SYAP1: variants seen among roughly 807,000 people sequenced by gnomAD.
SYAP1 encodes synapse associated protein 1.
In SYAP1, 3 loss-of-function variants were observed where a neutral mutation model predicts 29.6. The observed-to-expected ratio is 0.10, with a 90% CI of 0.05 to 0.26. The LOEUF (loss-of-function observed/expected upper bound fraction) is 0.26, where lower values mean the gene tolerates loss of function less well. SYAP1 is among the 10% of genes least tolerant of loss of function. The pLI, the probability that SYAP1 is intolerant of heterozygous loss-of-function variation, is 1.00. For synonymous variants in SYAP1, 102 were observed against 102.7 expected (o/e 0.99, Z 0.04); for missense variants, 217 against 264.1 (o/e 0.82, Z 1.24).
At chrX:16,755,236 T>C in intron 6 of SYAP1, 143 bp downstream of exon 6, 1 of 589,184 alleles carries the variant, frequency 1.7e-6, no homozygotes, top group Non-Finnish European at 2.6e-6. Context: ...CATTTTTCTC[T>C]TACTGCCTTC....
At chrX:16,748,512 C>T (rs995861037) in intron 5 of SYAP1, among the ~76,000 whole-genome samples, 1 of 111,991 alleles carries the variant, frequency 8.9e-6, no homozygotes, top group African/African-American at 3.2e-5. Flanking sequence ...TAACCCTTCC[C>T]TGTGGTAGTC....
chrX:16,721,571 A>C (rs1001610823), intron 1 of SYAP1, among the ~76,000 whole-genome samples: 2 of 111,896 alleles, frequency 1.8e-5, no homozygotes, highest in Non-Finnish European at 3.8e-5. Flanking sequence ...TCTGTCGCCC[A>C]GGCTGGAGTG....
At chrX:16,735,492 C>T in intron 2 of SYAP1, 147 bp downstream of exon 2, 2 of 403,960 alleles carry the variant, frequency 5.0e-6, no homozygotes, top group Non-Finnish European at 8.5e-6. Flanking sequence ...TGGTTTTTTC[C>T]TCTCTTTGAA....
At chrX:16,734,385 CAAA>C (rs761468112) in intron 1 of SYAP1, among the ~76,000 whole-genome samples, 4 of 49,172 alleles carry the variant, frequency 8.1e-5, no homozygotes, top group Admixed American at 2.7e-4. Context: ...GACTTCATCT[CAAA>C]AAAAAAAAAA....
intron 3 of SYAP1, among the ~76,000 whole-genome samples, chrX:16,739,003 C>T (rs1006698934): frequency 3.6e-5 from 4 of 111,105 alleles, no homozygotes; most frequent in Admixed American, 9.7e-5. Flanking sequence ...AGAATAATTT[C>T]AGGAACTCGG....
At chrX:16,744,599 G>A (rs1458191184) in intron 5 of SYAP1, among the ~76,000 whole-genome samples, 1 of 112,416 alleles carries the variant, frequency 8.9e-6, no homozygotes, top group African/African-American at 3.2e-5. Context: ...TTGGGAGGCT[G>A]AGGTGGGAGG....
intron 1 of SYAP1, among the ~76,000 whole-genome samples, chrX:16,733,378 T>C (rs1347126004): frequency 2.7e-5 from 3 of 111,596 alleles, no homozygotes; most frequent in Non-Finnish European, 5.6e-5. Context: ...CTATACAGTC[T>C]GCTGGTTTCC....
chrX:16,734,583 C>A (rs762839175), intron 1 of SYAP1, among the ~76,000 whole-genome samples: 1 of 110,279 alleles, frequency 9.1e-6, no homozygotes, highest in Non-Finnish European at 1.9e-5. Flanking sequence ...TATAAAGGAG[C>A]CTTGTTCTTC....
rs1297069958 is a variant in SYAP1 at position 16,763,646 on chromosome X, C to T, written c.*3287C>T. ...TTGGGATTACAGGCATGAGCCACAG[C>T]CTTAATTGGTAATTTTTGAAAAAAA... On this transcript the variant is annotated 3_prime_UTR_variant, in exon 9 of 9. Coordinates refer to ENST00000380155, the MANE Select transcript of SYAP1 (RefSeq NM_032796.4). The T allele has an allele frequency of 9.1e-6, 1 of 110,105 alleles. No homozygotes were observed. The highest frequency in any genetic ancestry group is 1.9e-5 in the Non-Finnish European group (1 of 52,862). The allele number at this position is 110,105 out of a possible 1,213,427, so 9.1% of individuals were successfully genotyped here. A position where few individuals can be genotyped will look rare whatever the true frequency, so the allele number is the denominator to read the frequency against.
At chrX:16,747,152 T>C (rs1251816514) in intron 5 of SYAP1, among the ~76,000 whole-genome samples, 1 of 111,225 alleles carries the variant, frequency 9.0e-6, no homozygotes, top group Non-Finnish European at 1.9e-5. Context: ...TCTTGCTGTG[T>C]TGCGCAGGCT....
In SYAP1 at chrX:16,754,984, C is replaced by T. The variant is rs777565066; in HGVS notation, c.615C>T (p.Arg205=). ...TGTTCTGGAGGAACTACTTTTACCG[C>T]GTCTCCCTGATTAAGCAGTCAGCCC... ...EEVFWRNYFY[R]VSLIKQSAQL... is the part of the protein sequence containing the mutation. The change falls in exon 6 of 9, where the codon CGC becomes CGT. Residue 205 remains arginine (R), a synonymous_variant. Coordinates refer to ENST00000380155, the MANE Select transcript of SYAP1 (RefSeq NM_032796.4). The T allele has an allele frequency of 4.1e-6, 5 of 1,211,004 alleles. No individual in the cohort carries two copies. Among genetic ancestry groups the T allele is most frequent in the Non-Finnish European group, 5.6e-6 (5 of 894,830 alleles).
At chrX:16,732,619 A>G (rs938363253) in intron 1 of SYAP1, among the ~76,000 whole-genome samples, 1 of 112,024 alleles carries the variant, frequency 8.9e-6, no homozygotes, top group Admixed American at 9.5e-5. Flanking sequence ...TCAGTACTGA[A>G]ACAGTTGTGA....
chrX:16,735,296 C>T lies in SYAP1; in HGVS notation c.245C>T (p.Thr82Ile). The T allele has an allele frequency of 2.5e-6, 3 of 1,196,668 alleles. No individual in the cohort carries two copies. Among genetic ancestry groups the T allele is most frequent in the South Asian group, 1.8e-5 (1 of 54,131 alleles). ...GAATCAGTTGCTGAAACAGCACAAACAATAAAGAAATCCGTAGAAGAAGGA... is the reference window on the plus strand; with the variant it reads ...GAATCAGTTGCTGAAACAGCACAAATAATAAAGAAATCCGTAGAAGAAGGA... ...ITESVAETAQ[T>I]IKKSVEEGKI... The change falls in exon 2 of 9, where the codon ACA becomes ATA. Residue 82 changes from threonine to isoleucine, a missense_variant. Physicochemically the swap from Thr to Ile is moderately conservative, Grantham distance 89. Transcript: ENST00000380155.
chrX:16,720,083 C>T (rs760012971), intron 1 of SYAP1, among the ~76,000 whole-genome samples, 184 bp downstream of exon 1: 9 of 111,546 alleles, frequency 8.1e-5, no homozygotes, highest in Admixed American at 4.8e-4. Flanking sequence ...TGGACGAGGC[C>T]AGAGCTTCAT....
rs1437224153 is a variant in SYAP1, at chrX:16,761,438, C to A, written c.*1079C>A. 1 of 111,444 alleles carries A rather than the reference C, an allele frequency of 9.0e-6. No homozygotes were observed. The highest frequency in any genetic ancestry group is 2.8e-4 in the East Asian group (1 of 3,579). The allele number at this position is 111,444 out of a possible 1,213,427, so 9.2% of individuals were successfully genotyped here. ...ATAAATGTTTTAGCTTTGTCTTAAA[C>A]TGTGAGTCTTCATAAAATTGTGTTC... On this transcript the variant is annotated 3_prime_UTR_variant, in exon 9 of 9. Coordinates refer to ENST00000380155, the MANE Select transcript of SYAP1 (RefSeq NM_032796.4).
chrX:16,725,932 AT>A (rs1446704150), intron 1 of SYAP1, among the ~76,000 whole-genome samples: 1 of 112,005 alleles, frequency 8.9e-6, no homozygotes, highest in East Asian at 2.8e-4. Flanking sequence ...GATAAAAGGA[AT>A]TTATTTCCAA....
Position 16,719,641 on chromosome X carries a change from G to A in SYAP1, c.-84G>A. The A allele has an allele frequency of 9.5e-7, 1 of 1,052,085 alleles. No individual in the cohort carries two copies. The highest frequency in any genetic ancestry group is 3.2e-5 in the Admixed American group (1 of 31,222). The allele number at this position is 1,052,085 out of a possible 1,213,427, so 86.7% of individuals were successfully genotyped here. A position where few individuals can be genotyped will look rare whatever the true frequency, so the allele number is the denominator to read the frequency against. ...CTCCGACTTCCGGACATCTCCCTGGGAGTCGCGCAGAGTGGAGTCAAAGGC... is the reference window on the plus strand; with the variant it reads ...CTCCGACTTCCGGACATCTCCCTGGAAGTCGCGCAGAGTGGAGTCAAAGGC... On this transcript the variant is annotated 5_prime_UTR_variant, in exon 1 of 9. Coordinates refer to ENST00000380155, the MANE Select transcript of SYAP1 (RefSeq NM_032796.4).
At chrX:16,759,519 CA>C in intron 8 of SYAP1, among the ~76,000 whole-genome samples, 2 of 111,979 alleles carry the variant, frequency 1.8e-5, no homozygotes, top group East Asian at 5.6e-4. Context: ...GTCTAAATCT[CA>C]ACGCGGAAGA....
intron 5 of SYAP1, among the ~76,000 whole-genome samples, chrX:16,746,868 C>T (rs1364110496): frequency 8.9e-6 from 1 of 112,391 alleles, no homozygotes; most frequent in African/African-American, 3.2e-5. Flanking sequence ...GATTACAGGC[C>T]ACCGCACCCA....
Sources: gnomAD v4.1 joint callset for allele counts (sites outside exome capture counted in the v4.1 genomes callset) on GRCh38, gnomAD v4.1.1 for gene constraint, MANE v1.5 for transcripts, NCBI Gene and HGNC (gene_info 2026-07-23, HGNC 2026-07-21) for gene names.